The following STPG2 variants were observed in gnomAD, a reference collection of about 807,000 sequenced individuals.
STPG2 encodes the protein sperm-tail PG-rich repeat-containing protein 2.
In STPG2, 56 loss-of-function variants were observed where a neutral mutation model predicts 54.2. That is an observed-to-expected ratio of 1.03 (90% CI 0.83 to 1.29). STPG2 has a LOEUF of 1.29. Ranked by LOEUF, STPG2 falls within the 50% of genes most tolerant of loss-of-function variation. STPG2 has a pLI of 0.00. For missense variants in STPG2, 596 were observed against 544.9 expected (o/e 1.09, Z -0.93); for synonymous variants, 200 against 181.8 (o/e 1.10, Z -0.81).
intron 4 of STPG2, among the ~76,000 whole-genome samples, chr4:97,546,115 G>T (rs1378667554): frequency 6.6e-6 from 1 of 151,536 alleles, no homozygotes; most frequent in Non-Finnish European, 1.5e-5. Context: ...TAGAGAACCA[G>T]AAAAGCAATG....
At chr4:98,103,872 C>T (rs1028716009) in intron 5 of STPG2, among the ~76,000 whole-genome samples, 1 of 152,098 alleles carries the variant, frequency 6.6e-6, no homozygotes, top group African/African-American at 2.4e-5. Flanking sequence ...AACCTCATTA[C>T]TTCAATTATC....
At chr4:97,710,135 A>G (rs1724067532) in intron 10 of STPG2, among the ~76,000 whole-genome samples, 1 of 151,926 alleles carries the variant, frequency 6.6e-6, no homozygotes, top group Non-Finnish European at 1.5e-5. Flanking sequence ...TTATGAGTAT[A>G]CACACATTTT....
At chr4:97,607,276 T>A (rs1733620708) in intron 10 of STPG2, among the ~76,000 whole-genome samples, 1 of 151,818 alleles carries the variant, frequency 6.6e-6, no homozygotes, top group South Asian at 2.1e-4. Context: ...TCTCTCCCTC[T>A]CTTTTTCTCT....
intron 4 of STPG2, among the ~76,000 whole-genome samples, chr4:97,460,927 C>A (rs1729646394): frequency 6.6e-6 from 1 of 152,206 alleles, no homozygotes; most frequent in Admixed American, 6.5e-5. Context: ...TAATATGGAT[C>A]CATGTGGTTG....
chr4:97,768,098 C>T (rs1290258158), intron 9 of STPG2, among the ~76,000 whole-genome samples: 3 of 150,670 alleles, frequency 2.0e-5, no homozygotes, highest in South Asian at 2.1e-4. Context: ...ACCCAGGAGG[C>T]GGATCTTGCA....
intron 10 of STPG2, among the ~76,000 whole-genome samples, chr4:97,617,037 A>T (rs780315452): frequency 2.6e-4 from 39 of 152,252 alleles, no homozygotes; most frequent in Non-Finnish European, 5.6e-4. Flanking sequence ...AAAGCTAACT[A>T]ACCAAATTAG....
At chr4:97,705,888 G>A (rs901774359) in intron 10 of STPG2, among the ~76,000 whole-genome samples, 4 of 151,766 alleles carry the variant, frequency 2.6e-5, no homozygotes, top group African/African-American at 9.7e-5. Flanking sequence ...AAAGGTAACA[G>A]TAACAATAAC....
chr4:97,532,727 T>C (rs1247439051), intron 4 of STPG2, among the ~76,000 whole-genome samples: 1 of 152,172 alleles, frequency 6.6e-6, no homozygotes, highest in Non-Finnish European at 1.5e-5. Flanking sequence ...TTGATATAGA[T>C]AGGCATAGAT....
At chr4:97,927,686 G>A (rs1318868016) in intron 8 of STPG2, among the ~76,000 whole-genome samples, 1 of 152,028 alleles carries the variant, frequency 6.6e-6, no homozygotes, top group Non-Finnish European at 1.5e-5. Flanking sequence ...AAAGTGCCAT[G>A]AAATCACCCT....
intron 9 of STPG2, among the ~76,000 whole-genome samples, chr4:97,746,543 A>C (rs1725425731): frequency 6.6e-6 from 1 of 151,270 alleles, no homozygotes; most frequent in African/African-American, 2.4e-5. Context: ...GTACATACAA[A>C]AGACAAAGTC....
chr4:97,455,958 AG>A (rs1238265042), intron 4 of STPG2, among the ~76,000 whole-genome samples: 1 of 152,214 alleles, frequency 6.6e-6, no homozygotes, highest in East Asian at 1.9e-4. Context: ...ACACCCCGCG[AG>A]GGGAACAAGG....
chr4:97,642,806 G>A (rs991689325), intron 10 of STPG2, among the ~76,000 whole-genome samples: 4 of 151,122 alleles, frequency 2.6e-5, no homozygotes, highest in South Asian at 2.1e-4. Context: ...TTTCTTACAC[G>A]TTTATATGTT....
At chr4:97,735,368 T>C (rs1249585578) in intron 9 of STPG2, among the ~76,000 whole-genome samples, 1 of 151,270 alleles carries the variant, frequency 6.6e-6, no homozygotes, top group Non-Finnish European at 1.5e-5. Flanking sequence ...CAAAGTCAAA[T>C]AGAGTGATAC....
intron 4 of STPG2, among the ~76,000 whole-genome samples, chr4:97,552,593 T>C (rs1043403711): frequency 2.6e-5 from 4 of 152,092 alleles, no homozygotes; most frequent in African/African-American, 9.7e-5. Flanking sequence ...AAGGTAAGCC[T>C]AAAAAATGAA....
chr4:97,514,243 C>T (rs922355687), intron 4 of STPG2, among the ~76,000 whole-genome samples: 1 of 151,988 alleles, frequency 6.6e-6, no homozygotes, highest in South Asian at 2.1e-4. Context: ...GAATATATTG[C>T]ATTACTGAAG....
At chr4:97,532,091 T>C (rs189797928) in intron 4 of STPG2, among the ~76,000 whole-genome samples, 120 of 152,276 alleles carry the variant, frequency 7.9e-4, no homozygotes, top group African/African-American at 2.7e-3. Context: ...GAAATATTTA[T>C]CTAGGTGTTT....
At chr4:98,098,366 T>G (rs536952273) in intron 5 of STPG2, among the ~76,000 whole-genome samples, 1 of 152,106 alleles carries the variant, frequency 6.6e-6, no homozygotes, top group East Asian at 1.9e-4. Context: ...GAACATACAT[T>G]GGGGAAAAAA....
chr4:97,923,058 GATA>G (rs1021215325), intron 8 of STPG2, among the ~76,000 whole-genome samples: 7 of 152,166 alleles, frequency 4.6e-5, no homozygotes, highest in Admixed American at 6.5e-5. Context: ...TACTTGTGTT[GATA>G]ATAATAATAT....
intron 9 of STPG2, among the ~76,000 whole-genome samples, chr4:97,771,476 G>A (rs1216483935): frequency 6.6e-6 from 1 of 152,132 alleles, no homozygotes; most frequent in Non-Finnish European, 1.5e-5. Flanking sequence ...GCCCAGACCA[G>A]AGCTGGTCTG....
Sources: gnomAD v4.1 joint callset for allele counts (sites outside exome capture counted in the v4.1 genomes callset) on GRCh38, gnomAD v4.1.1 for gene constraint, MANE v1.5 for transcripts, NCBI Gene and HGNC (gene_info 2026-07-23, HGNC 2026-07-21) for gene names.